EFCAB3: variants seen among roughly 807,000 people sequenced by gnomAD.
EFCAB3 encodes the protein EF-hand calcium-binding domain-containing protein 3.
Under a neutral mutation model 42.2 loss-of-function variants are expected in EFCAB3, and 36 were observed. That is an observed-to-expected ratio of 0.85 (90% CI 0.65 to 1.13). The LOEUF is 1.13. Ranked by LOEUF, EFCAB3 falls within the 50% of genes most tolerant of loss-of-function variation. The probability of loss-of-function intolerance (pLI) is 0.00; values close to 1 mark genes in which losing one functional copy is unlikely to be tolerated. For missense variants in EFCAB3, 418 were observed against 505.1 expected, an observed-to-expected ratio of 0.83 and a Z score of 1.65; for synonymous variants, 170 against 172.8, an observed-to-expected ratio of 0.98 and a Z score of 0.13.
chr17:62,385,886 A>AT (rs58217905), intron 2 of EFCAB3, among the ~76,000 whole-genome samples: 18,434 of 141,034 alleles, frequency 0.13, 1,312 homozygotes, highest in South Asian at 0.27. Context: ...TGCCCGGCTA[A>AT]TTTTTTTTTT....
upstream of EFCAB3, chr17:62,378,093 A>T: frequency 8.1e-7 from 1 of 1,236,044 alleles, no homozygotes; most frequent in Non-Finnish European, 1.1e-6. Context: ...TTAATACCTT[A>T]GTTACTTTCC....
In EFCAB3 at chr17:62,388,686, A is replaced by G. The variant is rs538673911; in HGVS notation, c.151+1270A>G. Among the ~76,000 whole-genome samples the G allele has an allele frequency of 3.3e-5, 5 of 152,312 alleles. No individual in the cohort carries two copies. The South Asian group carries it at 1.0e-3, about 32-fold the overall frequency. On this transcript the variant is annotated intron_variant, in intron 3 of 9. Transcript: ENST00000305286. ...CAAAACATCAAATATGGAAACTAGA[A>G]AATGTGTTCTTTACAGTGCTTAATC...
intron 1 of EFCAB3, chr17:62,381,840 G>A (rs1260369129): frequency 4.6e-6 from 2 of 435,340 alleles, no homozygotes; most frequent in East Asian, 1.4e-4. Context: ...CATTGCCCAG[G>A]GTATTGGCAA....
chr17:62,379,982 C>T (rs919094711), upstream of EFCAB3, among the ~76,000 whole-genome samples: 11 of 152,128 alleles, frequency 7.2e-5, no homozygotes, highest in African/African-American at 2.7e-4. Flanking sequence ...AATTGAACAA[C>T]TTTCAACTGA....
Position 62,413,828 on chromosome 17 carries a change from G to A in EFCAB3, c.964G>A (p.Ala322Thr), listed in dbSNP as rs770192726. The A allele has an allele frequency of 8.7e-6, 14 of 1,612,018 alleles. No individual in the cohort carries two copies. The highest frequency in any genetic ancestry group is 1.2e-5 in the Non-Finnish European group (14 of 1,179,216). Residue 322 changes from alanine to threonine, a missense_variant, in exon 9 of 10, where the codon GCC (alanine) becomes ACC (threonine). Physicochemically the swap from Ala to Thr is moderately conservative, Grantham distance 58. Transcript: ENST00000305286. ...CAAGAAAAAGCAGACTTGTACAGTG[G>A]CCGATGCAACTGCTATTAAACAACA... is the stretch of plus-strand genomic sequence containing the variant. ...MLKKKQTCTV[A>T]DATAIKQHVK...
chr17:62,374,037 T>C (rs1262430421), intron 2 of EFCAB3, among the ~76,000 whole-genome samples: 1 of 152,224 alleles, frequency 6.6e-6, no homozygotes, highest in Admixed American at 6.5e-5. Context: ...AATTCTATCC[T>C]CCAATGATAA....
upstream of EFCAB3, among the ~76,000 whole-genome samples, chr17:62,376,701 AC>A (rs1294120847): frequency 5.3e-5 from 8 of 152,240 alleles, no homozygotes; most frequent in East Asian, 1.3e-3. Context: ...AATTTCAGCT[AC>A]CTAAGCGTGA....
chr17:62,394,323 T>A (rs1167177136), intron 5 of EFCAB3, among the ~76,000 whole-genome samples: 1 of 152,180 alleles, frequency 6.6e-6, no homozygotes, highest in Non-Finnish European at 1.5e-5. Flanking sequence ...AAAAAAAATT[T>A]ATGTTTCAGA....
chr17:62,399,349 G>A (rs2070381566), intron 6 of EFCAB3, among the ~76,000 whole-genome samples: 1 of 151,856 alleles, frequency 6.6e-6, no homozygotes, highest in Non-Finnish European at 1.5e-5. Flanking sequence ...TCTATTTTTT[G>A]TGGAGATAGG....
intron 8 of EFCAB3, among the ~76,000 whole-genome samples, chr17:62,408,549 G>C (rs2070467855): frequency 6.6e-6 from 1 of 152,184 alleles, no homozygotes; most frequent in Non-Finnish European, 1.5e-5. Context: ...ACTAGTAGCT[G>C]TTTAAGTTTC....
At chr17:62,411,826 G>GAGGA (rs1418305731) in intron 8 of EFCAB3, among the ~76,000 whole-genome samples, 13 of 128,520 alleles carry the variant, frequency 1.0e-4, no homozygotes, top group African/African-American at 2.9e-4. Context: ...GGGAGGGAGG[G>GAGGA]AGGAAGGAGG....
chr17:62,401,738 G>A (rs2070404949), intron 6 of EFCAB3, among the ~76,000 whole-genome samples: 1 of 152,288 alleles, frequency 6.6e-6, no homozygotes, highest in South Asian at 2.1e-4. Flanking sequence ...CTCCAGCTTT[G>A]TTCTTTTTGC....
In EFCAB3 at chr17:62,401,327, C is replaced by T. The variant is rs560290754; in HGVS notation, c.489-5153C>T. ...ATTTCTTAATTTTGGCTTTTGTTGCCGTTGCTTTTGGTGTTTTAGACATGA... is the reference window on the plus strand; with the variant it reads ...ATTTCTTAATTTTGGCTTTTGTTGCTGTTGCTTTTGGTGTTTTAGACATGA... On this transcript the variant is annotated intron_variant, in intron 6 of 9. Transcript: ENST00000305286. Among the ~76,000 whole-genome samples, 24 of 152,218 alleles carry T rather than the reference C, an allele frequency of 1.6e-4. No individual in the cohort carries two copies. In the South Asian group the frequency reaches 3.3e-3, roughly 21 times the overall value.
At chr17:62,376,217 A>C (rs1270314413), upstream of EFCAB3, among the ~76,000 whole-genome samples, 1 of 152,210 alleles carries the variant, frequency 6.6e-6, no homozygotes, top group Non-Finnish European at 1.5e-5. Flanking sequence ...TCACGCCTGT[A>C]ATCTCAGCAC....
chr17:62,387,241 T>C, intron 2 of EFCAB3, 99 bp from the exon 3 acceptor site: 1 of 827,314 alleles, frequency 1.2e-6, no homozygotes, highest in Non-Finnish European at 1.9e-6. Flanking sequence ...TACATTGAGA[T>C]GCTACAGTCA....
chr17:62,413,700 T>C, intron 8 of EFCAB3, 32 bp from the exon 9 acceptor site: 1 of 1,545,382 alleles, frequency 6.5e-7, no homozygotes, highest in Non-Finnish European at 8.7e-7. Flanking sequence ...TTAAAATGTA[T>C]TACTAACCTT....
At chr17:62,399,455 A>G (rs200919616) in intron 6 of EFCAB3, among the ~76,000 whole-genome samples, 1 of 148,238 alleles carries the variant, frequency 6.7e-6, no homozygotes, top group Non-Finnish European at 1.5e-5. Context: ...GGCGTGAGCC[A>G]CCGCCTGGCC....
intron 2 of EFCAB3, among the ~76,000 whole-genome samples, chr17:62,375,076 T>G (rs532212385): frequency 1.1e-4 from 17 of 152,280 alleles, no homozygotes; most frequent in Non-Finnish European, 1.8e-4. Context: ...ATTGCACCAC[T>G]GCACTCCAGC....
chr17:62,406,465 CTT>C lies in EFCAB3; in HGVS notation c.489-6_489-5del. The C allele has an allele frequency of 2.1e-6, 3 of 1,432,426 alleles. No individual in the cohort carries two copies. Among genetic ancestry groups the C allele is most frequent in the Admixed American group, 2.1e-5 (1 of 46,588 alleles). 88.7% of individuals were successfully genotyped at this position (1,432,426 alleles called of 1,614,324 possible). On this transcript the variant is annotated splice_polypyrimidine_tract_variant and intron_variant, in intron 6 of 9. Coordinates refer to ENST00000305286, the MANE Select transcript of EFCAB3 (RefSeq NM_173503.4). ...TCTCTTTGTATCCATTTCTGAATTA[CTT>C]TTTTTTTTAAAGCTATTTCCAAAGA...
Sources: gnomAD v4.1 joint callset for allele counts (sites outside exome capture counted in the v4.1 genomes callset) on GRCh38, gnomAD v4.1.1 for gene constraint, MANE v1.5 for transcripts, NCBI Gene and HGNC (gene_info 2026-07-23, HGNC 2026-07-21) for gene names.